The following FRMD1 variants were observed in gnomAD, a reference collection of about 807,000 sequenced individuals.
The protein encoded by FRMD1 is FERM domain containing 1, also known as FERM domain-containing protein 1.
A neutral mutation model predicts 54.9 loss-of-function variants in FRMD1; 51 were observed. The observed-to-expected ratio is 0.93, with a 90% CI of 0.74 to 1.17. FRMD1 has a LOEUF of 1.17. Ranked by LOEUF, FRMD1 falls within the 50% of genes most tolerant of loss-of-function variation. The pLI is 0.00. For missense variants in FRMD1, 729 were observed against 743.0 expected (o/e 0.98, Z 0.22); for synonymous variants, 324 against 306.4 (o/e 1.06, Z -0.60).
At chr6:168,077,618 A>G (rs970641414) in intron 1 of FRMD1, among the ~76,000 whole-genome samples, 1 of 152,256 alleles carries the variant, frequency 6.6e-6, no homozygotes, top group Non-Finnish European at 1.5e-5. Flanking sequence ...GGGCCACAGG[A>G]GTTGCAGAGG....
intron 4 of FRMD1, chr6:168,065,298 C>T (rs1799972256): frequency 7.7e-7 from 1 of 1,303,778 alleles, no homozygotes; most frequent in African/African-American, 1.5e-5. Flanking sequence ...GATGAGGCTC[C>T]ACCTGCCGAG....
At chr6:168,066,259 G>T (rs11756920) in intron 4 of FRMD1, 222,945 of 971,670 alleles carry the variant, frequency 0.23, 24,848 homozygotes, top group African/African-American at 0.37. Context: ...AGCACTTTGG[G>T]AGGTCGAGGC....
chr6:168,054,829 G>A lies in FRMD1; in HGVS notation c.*2268C>T, dbSNP rs1799351049. On this transcript the variant is annotated 3_prime_UTR_variant, in exon 11 of 11. Coordinates refer to ENST00000283309, the MANE Select transcript of FRMD1 (RefSeq NM_024919.6). ...TGACGTGGAAGGGGGCTGTGGGGAG[G>A]GGCGGTGAGCAAAGCTGAGGCTCAA... The A allele has an allele frequency of 6.6e-6, 1 of 152,296 alleles. No individual in the cohort carries two copies. The highest frequency in any genetic ancestry group is 2.4e-5 in the African/African-American group (1 of 41,448). 9.4% of individuals were successfully genotyped at this position (152,296 alleles called of 1,614,324 possible).
At chr6:168,089,912 T>C (rs1583215908) in intron 1 of FRMD1, among the ~76,000 whole-genome samples, 1 of 152,118 alleles carries the variant, frequency 6.6e-6, no homozygotes, top group South Asian at 2.1e-4. Flanking sequence ...TGCCCTGTCA[T>C]CCGTTTATTT....
intron 1 of FRMD1, chr6:168,075,761 C>T (rs1225543833): frequency 1.3e-6 from 2 of 1,550,038 alleles, no homozygotes; most frequent in Non-Finnish European, 1.7e-6. Flanking sequence ...CCAACTGATG[C>T]GAGTGATCCC....
chr6:168,056,812 C>A lies in FRMD1; in HGVS notation c.*285G>T, dbSNP rs1799425655. 3.4e-6 allele frequency: 1 copy of A among 292,466 alleles called. No individual in the cohort carries two copies. Among genetic ancestry groups the A allele is most frequent in the Non-Finnish European group, 6.3e-6 (1 of 157,554 alleles). 18.1% of individuals were successfully genotyped at this position (292,466 alleles called of 1,614,324 possible). On this transcript the variant is annotated 3_prime_UTR_variant, in exon 11 of 11. Transcript: ENST00000283309. Reference sequence around the variant, plus strand: ...GCTGCCTCAGGGGCCAACACCATGGCTCTCTGGACACTTGACAGCCAGACC... The same window carrying A: ...GCTGCCTCAGGGGCCAACACCATGGATCTCTGGACACTTGACAGCCAGACC...
chr6:168,080,936 C>A (rs1036318548), upstream of FRMD1, among the ~76,000 whole-genome samples: 3 of 151,954 alleles, frequency 2.0e-5, no homozygotes, highest in Non-Finnish European at 4.4e-5. Context: ...GGCCAATGAG[C>A]TCCAAACATC....
intron 2 of FRMD1, among the ~76,000 whole-genome samples, chr6:168,072,723 TA>T (rs1322167389): frequency 3.9e-5 from 6 of 152,172 alleles, no homozygotes; most frequent in African/African-American, 1.4e-4. Context: ...TTTTGGCTGT[TA>T]AAGAGACTTT....
intron 7 of FRMD1, among the ~76,000 whole-genome samples, chr6:168,062,198 G>A (rs113037517): frequency 1.3e-5 from 2 of 152,292 alleles, no homozygotes; most frequent in African/African-American, 2.4e-5. Flanking sequence ...GAAAGTGCCC[G>A]CAGCAGTGTG....
rs1583159682 is a variant in FRMD1 at position 168,056,909 on chromosome 6, C to G, written c.*188G>C. 3 of 594,028 alleles carry G rather than the reference C, an allele frequency of 5.1e-6. No homozygotes were observed. The highest frequency in any genetic ancestry group is 6.8e-5 in the East Asian group (2 of 29,328). 36.8% of individuals were successfully genotyped at this position (594,028 alleles called of 1,614,324 possible). A position where few individuals can be genotyped will look rare whatever the true frequency, so the allele number is the denominator to read the frequency against. On this transcript the variant is annotated 3_prime_UTR_variant, in exon 11 of 11. Coordinates refer to ENST00000283309, the MANE Select transcript of FRMD1 (RefSeq NM_024919.6). Reference sequence around the variant, plus strand: ...TGGCAGACAGGCATGAGGTGCGGGACCTGTTTGTTACCTCCCAGGTTGATG... The same window carrying G: ...TGGCAGACAGGCATGAGGTGCGGGAGCTGTTTGTTACCTCCCAGGTTGATG...
intron 1 of FRMD1, 28 bp downstream of exon 1, chr6:168,078,854 C>A (rs200062326): frequency 1.2e-5 from 19 of 1,532,714 alleles, no homozygotes; most frequent in Non-Finnish European, 1.7e-5. Flanking sequence ...CTCTGTTTAC[C>A]CCCACGGCCA....
At position 168,059,107 on chromosome 6, in the gene FRMD1, C is replaced by T. The variant is rs767111189; in HGVS notation, c.1407+17G>A. 1.2e-5 allele frequency: 18 copies of T among 1,555,718 alleles called. No homozygotes were observed. The highest frequency in any genetic ancestry group is 7.4e-5 in the Admixed American group (4 of 53,938). ...AGGAGCAGGGCCAGGGCTTCTGGCC[C>T]GTGGGGGGGACTCTACCTGGTGCAC... On this transcript the variant is annotated intron_variant, in intron 10 of 10. Transcript: ENST00000283309. The surrounding 1 kb of genome is among the most constrained non-coding windows in gnomAD (Gnocchi z 4.4).
At chr6:168,081,965 C>A (rs1368129309), upstream of FRMD1, 2 of 156,358 alleles carry the variant, frequency 1.3e-5, no homozygotes, top group Admixed American at 1.3e-4. Context: ...AACAGTCACG[C>A]AAAAAGCCTT....
rs1044073463 is a variant in FRMD1, at chr6:168,073,666, G to A, written c.304+1579C>T. On this transcript the variant is annotated intron_variant, in intron 2 of 10. Transcript: ENST00000283309. ...AAGGCTGGCTTCTGTCCACACTCAC[G>A]ATGGTTGGAAGAGAAACTTAGGATG... Among the ~76,000 whole-genome samples the A allele has an allele frequency of 2.0e-5, 3 of 152,156 alleles. No homozygotes were observed. In the East Asian group the frequency reaches 5.8e-4, roughly 29 times the overall value.
At chr6:168,080,595 G>A (rs1314118350), upstream of FRMD1, among the ~76,000 whole-genome samples, 1 of 152,200 alleles carries the variant, frequency 6.6e-6, no homozygotes, top group Non-Finnish European at 1.5e-5. Context: ...AAGGGCGGCA[G>A]CAGCTGCACC....
At chr6:168,078,099 C>T (rs935375509) in intron 1 of FRMD1, among the ~76,000 whole-genome samples, 9 of 152,182 alleles carry the variant, frequency 5.9e-5, no homozygotes, top group Admixed American at 3.3e-4. Flanking sequence ...AGAAAGTCAT[C>T]GTTCTTCAAC....
In FRMD1 at chr6:168,057,129, C is replaced by G; in HGVS notation, c.1618G>C (p.Gly540Arg). ...ACAAACTCCTGTGGTGGAGCCTCTC[C>G]GAACAGGTCCAGGGCGAGACAGTTG... is the stretch of plus-strand genomic sequence containing the variant. ...SSNCLALDLF[G>R]EAPPQEFVV Residue 540 changes from glycine to arginine, a missense_variant, in exon 11 of 11, where the codon GGA becomes CGA. Gly to Arg is a moderately radical substitution (Grantham distance 125). Coordinates refer to ENST00000283309, the MANE Select transcript of FRMD1 (RefSeq NM_024919.6). The G allele has an allele frequency of 6.6e-7, 1 of 1,513,074 alleles. No individual in the cohort carries two copies. Among genetic ancestry groups the G allele is most frequent in the Non-Finnish European group, 8.9e-7 (1 of 1,127,624 alleles). 93.7% of individuals were successfully genotyped at this position (1,513,074 alleles called of 1,614,324 possible). A position where few individuals can be genotyped will look rare whatever the true frequency, so the allele number is the denominator to read the frequency against.
chr6:168,066,906 G>C, intron 3 of FRMD1, 75 bp from the exon 4 acceptor site: 2 of 1,575,174 alleles, frequency 1.3e-6, no homozygotes, highest in Non-Finnish European at 1.7e-6. Flanking sequence ...TCCCAGTTGG[G>C]GGGGCCTGGA....
At position 168,066,555 on chromosome 6, in the gene FRMD1, T is replaced by C. The variant is rs978163030; in HGVS notation, c.461+200A>G. 8 of 1,299,548 alleles carry C rather than the reference T, an allele frequency of 6.2e-6. No homozygotes were observed. In the African/African-American group the frequency reaches 9.2e-5, roughly 15 times the overall value. 80.5% of individuals were successfully genotyped at this position (1,299,548 alleles called of 1,614,324 possible). On this transcript the variant is annotated intron_variant, in intron 4 of 10. Coordinates refer to ENST00000283309, the MANE Select transcript of FRMD1 (RefSeq NM_024919.6). ...GAAAAGAAAAAGAAGTACCAATTTATGACACAGTCTGTATACCTTTCGATT... is the reference window on the plus strand; with the variant it reads ...GAAAAGAAAAAGAAGTACCAATTTACGACACAGTCTGTATACCTTTCGATT...
Sources: allele counts gnomAD v4.1 joint callset (sites outside exome capture counted in the v4.1 genomes callset), GRCh38; gene constraint gnomAD v4.1.1; non-coding constraint Gnocchi (gnomAD v3.1); transcripts MANE v1.5; gene names NCBI Gene and HGNC (gene_info 2026-07-23, HGNC 2026-07-21).